The following TRAPPC8 variants were observed in gnomAD, a reference collection of about 807,000 sequenced individuals.
TRAPPC8 encodes trafficking protein particle complex subunit 8.
Under a neutral mutation model 174.3 loss-of-function variants are expected in TRAPPC8, and 54 were observed. The ratio of observed to expected loss-of-function variants is 0.31; its 90% CI spans 0.25 to 0.39. The LOEUF is 0.39. TRAPPC8 is among the 10% of genes least tolerant of loss of function. The pLI is 1.00. For synonymous variants in TRAPPC8, 630 were observed against 579.9 expected (o/e 1.09, Z -1.24); for missense variants, 1,531 against 1,699.1 (o/e 0.90, Z 1.74).
intron 12 of TRAPPC8, among the ~76,000 whole-genome samples, chr18:31,882,349 AG>A (rs1313553492): frequency 6.6e-6 from 1 of 152,168 alleles, no homozygotes; most frequent in Non-Finnish European, 1.5e-5. Flanking sequence ...GAAATAAATC[AG>A]AAATGGAGAA....
intron 12 of TRAPPC8, among the ~76,000 whole-genome samples, chr18:31,878,266 T>C (rs1234492280): frequency 6.6e-6 from 1 of 152,000 alleles, no homozygotes; most frequent in Non-Finnish European, 1.5e-5. Context: ...ATAAAGTAAA[T>C]ATTATCAGAC....
At chr18:31,901,676 C>A (rs1221239513) in intron 9 of TRAPPC8, among the ~76,000 whole-genome samples, 1 of 152,188 alleles carries the variant, frequency 6.6e-6, no homozygotes, top group Non-Finnish European at 1.5e-5. Flanking sequence ...AATATAAGGG[C>A]ACCACTGGCT....
At chr18:31,912,316 C>T (rs1016902495) in intron 5 of TRAPPC8, among the ~76,000 whole-genome samples, 5 of 152,108 alleles carry the variant, frequency 3.3e-5, no homozygotes, top group African/African-American at 9.7e-5. Context: ...TATGGTGAAA[C>T]CCTCTCTCTG....
At chr18:31,886,330 G>A (rs1304912544) in intron 12 of TRAPPC8, among the ~76,000 whole-genome samples, 6 of 104,462 alleles carry the variant, frequency 5.7e-5, no homozygotes, top group African/African-American at 2.5e-4. Flanking sequence ...TAATTTTTAA[G>A]TGATGTTTCT....
chr18:31,919,596 AT>A (rs1304413617), intron 2 of TRAPPC8, among the ~76,000 whole-genome samples: 33 of 147,824 alleles, frequency 2.2e-4, no homozygotes, highest in Middle Eastern at 3.5e-3. Flanking sequence ...AAATAAAATA[AT>A]AATAATCCTA....
At chr18:31,867,866 G>A (rs1165652355) in intron 16 of TRAPPC8, among the ~76,000 whole-genome samples, 3 of 152,036 alleles carry the variant, frequency 2.0e-5, no homozygotes, top group Non-Finnish European at 4.4e-5. Context: ...GTGACAGAGC[G>A]AGACTCTGTT....
chr18:31,861,972 T>G (rs951476210), intron 19 of TRAPPC8, among the ~76,000 whole-genome samples: 2 of 110,726 alleles, frequency 1.8e-5, no homozygotes, highest in Admixed American at 1.0e-4. Context: ...GAGAAAAAAA[T>G]CAAAGCTAGC....
chr18:31,918,213 TCA>T (rs1163411686), intron 2 of TRAPPC8, among the ~76,000 whole-genome samples: 3 of 151,638 alleles, frequency 2.0e-5, no homozygotes, highest in Admixed American at 6.6e-5. Context: ...AAGAATATAT[TCA>T]TATATTCATG....
rs772874420 is a variant in TRAPPC8 at position 31,864,659 on chromosome 18, G to A, written c.2713C>T (p.Pro905Ser). 3.3e-5 allele frequency: 54 copies of A among 1,612,472 alleles called. No homozygotes were observed. The highest frequency in any genetic ancestry group is 3.9e-5 in the Non-Finnish European group (46 of 1,179,348). The part of the protein sequence containing the change: ...VKYGPDRRLD[P>S]IITEEMPLLE... ...AGTGGCATTTCTTCTGTGATTATGGGATCTAAACGTCGATCAGGGCCATAT... is the reference window on the plus strand; with the variant it reads ...AGTGGCATTTCTTCTGTGATTATGGAATCTAAACGTCGATCAGGGCCATAT... Residue 905 changes from proline to serine, a missense_variant, in exon 19 of 29, where the codon CCC becomes TCC. Physicochemically the swap from Pro to Ser is moderately conservative, Grantham distance 74. Transcript: ENST00000283351.
At chr18:31,940,983 G>C (rs1268997810) in intron 1 of TRAPPC8, among the ~76,000 whole-genome samples, 2 of 152,146 alleles carry the variant, frequency 1.3e-5, no homozygotes, top group African/African-American at 4.8e-5. Flanking sequence ...ACACTTCTAT[G>C]CTTCAAGGTC....
rs1484737214 is a variant in TRAPPC8, at chr18:31,908,747, A to G, written c.1122+7T>C. 5 of 1,581,812 alleles carry G rather than the reference A, an allele frequency of 3.2e-6. No individual in the cohort carries two copies. The highest frequency in any genetic ancestry group is 2.7e-5 in the African/African-American group (2 of 74,366). ...TTAAAATACTAATCCAAAAAATCAA[A>G]CCTTACCTGATCGTTTAATTGCCTA... On this transcript the variant is annotated splice_region_variant and intron_variant, in intron 7 of 28. Coordinates refer to ENST00000283351, the MANE Select transcript of TRAPPC8 (RefSeq NM_014939.5).
chr18:31,866,799 G>C (rs1300628189), intron 18 of TRAPPC8, 50 bp downstream of exon 18: 22 of 1,584,574 alleles, frequency 1.4e-5, no homozygotes, highest in Non-Finnish European at 1.9e-5. Context: ...TTATTCTATG[G>C]AGTGATTTAA....
At chr18:31,842,555 G>A (rs949471669) in intron 26 of TRAPPC8, among the ~76,000 whole-genome samples, 11 of 152,182 alleles carry the variant, frequency 7.2e-5, no homozygotes, top group Admixed American at 7.2e-4. Flanking sequence ...ACAATGGTTG[G>A]ATGAATATTG....
chr18:31,878,101 C>T lies in TRAPPC8; in HGVS notation c.1729-3397G>A, dbSNP rs1001144700. Among the ~76,000 whole-genome samples, 4 of 152,002 alleles carry T rather than the reference C, an allele frequency of 2.6e-5. No individual in the cohort carries two copies. In the East Asian group the frequency reaches 5.8e-4, roughly 22 times the overall value. ...TGAGCCCATTTTGGTGGCAGCTGCC[C>T]GTTTTGGTGGAAGTGTACTCTGGTC... On this transcript the variant is annotated intron_variant, in intron 12 of 28. Transcript: ENST00000283351.
At chr18:31,903,434 T>C (rs2036530441) in intron 9 of TRAPPC8, among the ~76,000 whole-genome samples, 2 of 152,178 alleles carry the variant, frequency 1.3e-5, no homozygotes, top group African/African-American at 4.8e-5. Context: ...TTATGGTGTA[T>C]ATATACTACC....
chr18:31,837,093 T>A (rs911957147), intron 27 of TRAPPC8, among the ~76,000 whole-genome samples: 1 of 151,988 alleles, frequency 6.6e-6, no homozygotes, highest in African/African-American at 2.4e-5. Flanking sequence ...TTTCCCCAGG[T>A]GAACCCTGCA....
chr18:31,879,560 C>T lies in TRAPPC8; in HGVS notation c.1729-4856G>A, dbSNP rs1208570266. ...TTAATAATGTCACATCTAGAGGAAA[C>T]AGAAACAAGAACAAACCAAGCCCAA... On this transcript the variant is annotated intron_variant, in intron 12 of 28. Coordinates refer to ENST00000283351, the MANE Select transcript of TRAPPC8 (RefSeq NM_014939.5). Among the ~76,000 whole-genome samples the T allele has an allele frequency of 2.0e-5, 3 of 151,746 alleles. No homozygotes were observed. The East Asian group carries it at 5.8e-4, about 29-fold the overall frequency.
At chr18:31,904,968 T>C (rs1174802809) in intron 9 of TRAPPC8, among the ~76,000 whole-genome samples, 2 of 150,768 alleles carry the variant, frequency 1.3e-5, no homozygotes, top group African/African-American at 2.4e-5. Context: ...AGGTGGAGGA[T>C]GCAGTGAGCT....
rs34176695 is a variant in TRAPPC8, at chr18:31,907,604, C to A, written c.1245G>T (p.Pro415=). The A allele has an allele frequency of 0.066, 106,138 of 1,603,242 alleles. 3,735 individuals are homozygous for A. The highest frequency in any genetic ancestry group is 0.095 in the Middle Eastern group (561 of 5,926). ...TGATTTGAAGTTCTGGTGCTTCCGG[C>A]GGATACCTGTAAATACAAAAGAAAA... is the stretch of plus-strand genomic sequence containing the variant. ...DLKNTSGLLY[P]PEAPELQIRK... is the part of the protein sequence containing the mutation. Residue 415 remains proline (P), a synonymous_variant, in exon 9 of 29, where the codon CCG becomes CCT. Transcript: ENST00000283351.
Sources: allele counts gnomAD v4.1 joint callset (sites outside exome capture counted in the v4.1 genomes callset), GRCh38; gene constraint gnomAD v4.1.1; transcripts MANE v1.5; gene names NCBI Gene and HGNC (gene_info 2026-07-23, HGNC 2026-07-21).